PHC2: variants seen among roughly 807,000 people sequenced by gnomAD.
The protein encoded by PHC2 is polyhomeotic-like protein 2.
A neutral mutation model predicts 87.4 loss-of-function variants in PHC2; 29 were observed. The observed-to-expected ratio is 0.33, with a 90% CI of 0.25 to 0.45. PHC2 has a LOEUF of 0.45. PHC2 is among the 20% of genes least tolerant of loss of function. The probability of loss-of-function intolerance (pLI) is 1.00; values close to 1 mark genes in which losing one functional copy is unlikely to be tolerated. For missense variants in PHC2, 857 were observed against 1,136.7 expected, an observed-to-expected ratio of 0.75 and a Z score of 3.54; for synonymous variants, 438 against 461.7, an observed-to-expected ratio of 0.95 and a Z score of 0.66.
chr1:33,346,445 C>T (rs1646846248), intron 9 of PHC2: 5 of 985,156 alleles, frequency 5.1e-6, no homozygotes, highest in Non-Finnish European at 6.0e-6. Context: ...TCTCATTTCC[C>T]TACTCTCGTC....
At chr1:33,424,388 T>C (rs1413891855) in intron 1 of PHC2, among the ~76,000 whole-genome samples, 2 of 152,194 alleles carry the variant, frequency 1.3e-5, no homozygotes, top group African/African-American at 4.8e-5. Flanking sequence ...TCAGGTTACA[T>C]TGCTTCTGTG....
At chr1:33,418,962 A>G (rs1398319636) in intron 1 of PHC2, among the ~76,000 whole-genome samples, 5 of 152,220 alleles carry the variant, frequency 3.3e-5, no homozygotes, top group African/African-American at 4.8e-5. Context: ...GTTTAATAGC[A>G]TGGCCTTTTG....
At position 33,370,403 on chromosome 1, in the gene PHC2, C is replaced by T; in HGVS notation, c.576+18G>A. On this transcript the variant is annotated intron_variant, in intron 5 of 14. Coordinates refer to ENST00000683057, the MANE Select transcript of PHC2 (RefSeq NM_001385109.1). ...CTCCTGGTGCCTCTGAGCCATGGCC[C>T]TGGCCATGGGTACTCACCATCTGTG... 2 of 1,604,586 alleles carry T rather than the reference C, an allele frequency of 1.2e-6. No individual in the cohort carries two copies. Among genetic ancestry groups the T allele is most frequent in the Non-Finnish European group, 1.7e-6 (2 of 1,172,516 alleles).
intron 1 of PHC2, among the ~76,000 whole-genome samples, chr1:33,418,671 A>C (rs544116140): frequency 5.9e-4 from 90 of 152,322 alleles, no homozygotes; most frequent in Non-Finnish European, 9.4e-4. Flanking sequence ...ATTCAAAAAA[A>C]AGAAACAATG....
chr1:33,325,424 A>G (rs1173621382), intron 14 of PHC2: 2 of 190,942 alleles, frequency 1.0e-5, no homozygotes, highest in Admixed American at 5.7e-5. Flanking sequence ...CCCTTTGGAG[A>G]GGCATGCGTG....
At chr1:33,329,196 A>T (rs775398660) in intron 13 of PHC2, 50 bp from the exon 14 acceptor site, 3 of 1,577,546 alleles carry the variant, frequency 1.9e-6, no homozygotes, top group Non-Finnish European at 2.6e-6. Context: ...CATCTCTAGC[A>T]GCAGTGATGA....
intron 1 of PHC2, among the ~76,000 whole-genome samples, chr1:33,409,846 A>G (rs922675781): frequency 1.2e-4 from 19 of 152,242 alleles, no homozygotes; most frequent in African/African-American, 4.6e-4. Context: ...ACAGAATGTC[A>G]CATACTTAAA....
chr1:33,386,299 C>A (rs1448075319), intron 1 of PHC2, among the ~76,000 whole-genome samples: 1 of 151,342 alleles, frequency 6.6e-6, no homozygotes, highest in South Asian at 2.1e-4. Context: ...TGGTGGATCA[C>A]AAGGTCAGGA....
chr1:33,415,390 T>C (rs1325196596), intron 1 of PHC2, among the ~76,000 whole-genome samples: 2 of 152,162 alleles, frequency 1.3e-5, no homozygotes, highest in African/African-American at 4.8e-5. Context: ...AGGAATTAGA[T>C]ACAACCCCCA....
intron 1 of PHC2, among the ~76,000 whole-genome samples, chr1:33,405,299 T>C (rs1454571279): frequency 6.6e-6 from 1 of 152,068 alleles, no homozygotes; most frequent in African/African-American, 2.4e-5. Context: ...CAAGCAATTC[T>C]TGTGCCTCAG....
chr1:33,335,341 G>A (rs1646605995), intron 9 of PHC2: 16 of 985,362 alleles, frequency 1.6e-5, no homozygotes, highest in Non-Finnish European at 1.9e-5. Flanking sequence ...AGCTGAGGCT[G>A]CCTTTAACCT....
At chr1:33,327,703 A>G (rs981548742) in intron 14 of PHC2, among the ~76,000 whole-genome samples, 5 of 152,256 alleles carry the variant, frequency 3.3e-5, no homozygotes, top group African/African-American at 1.2e-4. Context: ...ACTGCCATGC[A>G]TATCATGAGA....
At chr1:33,337,803 G>T (rs1646670126) in intron 9 of PHC2, among the ~76,000 whole-genome samples, 1 of 152,152 alleles carries the variant, frequency 6.6e-6, no homozygotes, top group Non-Finnish European at 1.5e-5. Context: ...TTAACATCAG[G>T]TACCTAGTTA....
At chr1:33,403,281 C>A (rs1308225511) in intron 1 of PHC2, among the ~76,000 whole-genome samples, 3 of 151,414 alleles carry the variant, frequency 2.0e-5, no homozygotes, top group Non-Finnish European at 4.4e-5. Context: ...TACCCACCAC[C>A]ACGCCCAGGT....
intron 9 of PHC2, chr1:33,347,598 G>C (rs2148254746): frequency 1.0e-6 from 1 of 985,434 alleles, no homozygotes; most frequent in Middle Eastern, 5.2e-4. Context: ...AAACAGGAGA[G>C]AAAACATAGT....
At chr1:33,424,105 AAAAAAACAAAAAAAAC>A (rs1237516726) in intron 1 of PHC2, among the ~76,000 whole-genome samples, 21 of 151,906 alleles carry the variant, frequency 1.4e-4, no homozygotes, top group Non-Finnish European at 7.4e-5. Context: ...CTCAAAAAAA[AAAAAAACAAAAAAAAC>A]AAAAAACAAA....
chr1:33,356,225 GCTGA>G (rs1647068158), intron 7 of PHC2, among the ~76,000 whole-genome samples: 1 of 124,246 alleles, frequency 8.0e-6, no homozygotes, highest in Non-Finnish European at 1.8e-5. Context: ...TTTTAAGCAG[GCTGA>G]CTCTTTGAGG....
chr1:33,361,848 A>G (rs960573585), intron 7 of PHC2, among the ~76,000 whole-genome samples: 12 of 152,214 alleles, frequency 7.9e-5, no homozygotes, highest in African/African-American at 2.9e-4. Context: ...CGTGGGAATG[A>G]GGGAGGGCTT....
intron 9 of PHC2, among the ~76,000 whole-genome samples, chr1:33,351,824 CACCTGTAATCCCAGCT>C (rs1646977985): frequency 6.6e-6 from 1 of 152,004 alleles, no homozygotes; most frequent in Non-Finnish European, 1.5e-5. Flanking sequence ...TGGTGGTGTG[CACCTGTAATCCCAGCT>C]ACTCGGGAGG....
Sources: allele counts gnomAD v4.1 joint callset (sites outside exome capture counted in the v4.1 genomes callset), GRCh38; gene constraint gnomAD v4.1.1; transcripts MANE v1.5; gene names NCBI Gene and HGNC (gene_info 2026-07-23, HGNC 2026-07-21).